SORCS1: variants seen among roughly 807,000 people sequenced by gnomAD.
SORCS1 encodes the protein VPS10 domain-containing receptor SorCS1.
In SORCS1, 60 loss-of-function variants were observed where a neutral mutation model predicts 146.1. That is an observed-to-expected ratio of 0.41 (90% CI 0.33 to 0.51). SORCS1 has a LOEUF of 0.51. SORCS1 is among the 20% of genes least tolerant of loss of function. SORCS1 has a pLI of 0.21. For missense variants in SORCS1, 1,352 were observed against 1,487.6 expected (o/e 0.91, Z 1.50); for synonymous variants, 637 against 584.0 (o/e 1.09, Z -1.31).
At chr10:106,757,254 G>T (rs936021309) in intron 5 of SORCS1, among the ~76,000 whole-genome samples, 3 of 152,120 alleles carry the variant, frequency 2.0e-5, no homozygotes, top group East Asian at 1.9e-4. Context: ...ATATGAATTT[G>T]CCTTCATTTC....
At chr10:106,930,702 A>G (rs1392518588) in intron 2 of SORCS1, among the ~76,000 whole-genome samples, 2 of 152,060 alleles carry the variant, frequency 1.3e-5, no homozygotes, top group Admixed American at 6.6e-5. Context: ...GAATTTGGAA[A>G]GATATGATGG....
At chr10:106,741,260 A>G (rs1003295895) in intron 5 of SORCS1, among the ~76,000 whole-genome samples, 2 of 148,148 alleles carry the variant, frequency 1.3e-5, no homozygotes, top group African/African-American at 2.6e-5. Context: ...TGTCTGAGGC[A>G]AGACAGTGTT....
At chr10:106,824,684 T>G (rs1948211206) in intron 3 of SORCS1, among the ~76,000 whole-genome samples, 1 of 151,274 alleles carries the variant, frequency 6.6e-6, no homozygotes, top group Non-Finnish European at 1.5e-5. Context: ...AGACAAGAAG[T>G]CAATAATCAA....
At position 106,593,268 on chromosome 10, in the gene SORCS1, T is replaced by C. The variant is rs35822928; in HGVS notation, c.3265+4083A>G. Among the ~76,000 whole-genome samples the C allele has an allele frequency of 5.3e-3, 811 of 152,014 alleles. 5 individuals carry two copies. Among genetic ancestry groups the C allele is most frequent in the Non-Finnish European group, 5.7e-3 (387 of 67,996 alleles). On this transcript the variant is annotated intron_variant, in intron 24 of 25. Transcript: ENST00000263054. Reference sequence around the variant, plus strand: ...GTATATGTAGGGTCTACCACCCTATTCAAATATTTTTTTTCTTTTTTTCTT... The same window carrying C: ...GTATATGTAGGGTCTACCACCCTATCCAAATATTTTTTTTCTTTTTTTCTT...
intron 5 of SORCS1, among the ~76,000 whole-genome samples, chr10:106,757,187 T>G (rs1019609899): frequency 6.6e-6 from 1 of 152,196 alleles, no homozygotes; most frequent in East Asian, 1.9e-4. Flanking sequence ...AGGGGTGGCA[T>G]GACCATTGCT....
chr10:106,670,857 C>T (rs1851541210), intron 16 of SORCS1, among the ~76,000 whole-genome samples: 1 of 152,000 alleles, frequency 6.6e-6, no homozygotes, highest in African/African-American at 2.4e-5. Flanking sequence ...CTATGCCCAG[C>T]TAATTTTTCT....
rs74578657 is a variant in SORCS1, at chr10:106,983,807, G to A, written c.559-27227C>T. 3.2e-3 allele frequency among the ~76,000 whole-genome samples: 481 copies of A among 152,290 alleles called. 9 individuals carry two copies. Among genetic ancestry groups the A allele is most frequent in the African/African-American group, 0.01 (417 of 41,564 alleles). ...AACTTAACACGGAAGAGCAGCACCA[G>A]CAAAACTGGAGCCTAAATCACCTAA... On this transcript the variant is annotated intron_variant, in intron 1 of 25. Coordinates refer to ENST00000263054, the MANE Select transcript of SORCS1 (RefSeq NM_052918.5).
At position 106,629,405 on chromosome 10, in the gene SORCS1, C is replaced by T. The variant is rs147410317; in HGVS notation, c.2476-17G>A. The T allele has an allele frequency of 3.7e-6, 6 of 1,612,538 alleles. No homozygotes were observed. Among genetic ancestry groups the T allele is most frequent in the Non-Finnish European group, 5.1e-6 (6 of 1,178,916 alleles). On this transcript the variant is annotated splice_polypyrimidine_tract_variant and intron_variant, in intron 18 of 25. Transcript: ENST00000263054. ...AACATCACCCTGAAAAACAACCCAA[C>T]ATCAGAGGAAATGAGTTAGTATTCG...
At chr10:106,975,553 G>T (rs921237245) in intron 1 of SORCS1, among the ~76,000 whole-genome samples, 4 of 152,152 alleles carry the variant, frequency 2.6e-5, no homozygotes, top group African/African-American at 9.7e-5. Context: ...GACCCTGAGG[G>T]AGAAAAAGAA....
intron 3 of SORCS1, among the ~76,000 whole-genome samples, chr10:106,823,051 G>A (rs578231764): frequency 6.6e-6 from 1 of 152,160 alleles, no homozygotes; most frequent in Admixed American, 6.5e-5. Context: ...TCAAAGTGGT[G>A]GGATTACAGG....
At position 106,800,666 on chromosome 10, in the gene SORCS1, C is replaced by T. The variant is rs528889124; in HGVS notation, c.727-23974G>A. Among the ~76,000 whole-genome samples, 22 of 151,934 alleles carry T rather than the reference C, an allele frequency of 1.4e-4. 1 individual carries two copies. The South Asian group carries it at 2.3e-3, about 16-fold the overall frequency. On this transcript the variant is annotated intron_variant, in intron 3 of 25. Transcript: ENST00000263054. ...CCTCCCCAGCAGCTGGGACTACAGG[C>T]GCACACCGCCACACCCAGCTAATTT...
At chr10:107,002,124 A>G (rs1957247531) in intron 1 of SORCS1, among the ~76,000 whole-genome samples, 1 of 152,222 alleles carries the variant, frequency 6.6e-6, no homozygotes, top group Non-Finnish European at 1.5e-5. Flanking sequence ...GAGCAAATTA[A>G]AAATCATCCT....
intron 1 of SORCS1, among the ~76,000 whole-genome samples, chr10:106,998,026 C>T (rs1283134409): frequency 6.6e-6 from 1 of 152,220 alleles, no homozygotes; most frequent in African/African-American, 2.4e-5. Context: ...GAAGACCTCA[C>T]TTAAATGCAA....
chr10:107,164,306 A>T lies in SORCS1; in HGVS notation c.221T>A (p.Val74Glu). The part of the protein sequence containing the change: ...RAPATPLPLV[V>E]RPLFSVAPGD... ...GGGGGCCACTGAGAACAGGGGACGC[A>T]CTACGAGGGGCAGGGGCGTGGCAGG... The change falls in exon 1 of 26, where the codon GTG becomes GAG. Residue 74 changes from valine to glutamate, a missense_variant. By Grantham distance (121) the Val-to-Glu change is moderately radical. This residue lies in a region of SORCS1 where 490 missense variants were observed against 489.1 expected (regional missense o/e 1.00). Coordinates refer to ENST00000263054, the MANE Select transcript of SORCS1 (RefSeq NM_052918.5). The surrounding 1 kb of genome is among the most constrained non-coding windows in gnomAD (Gnocchi z 6.8). 1.3e-6 allele frequency: 2 copies of T among 1,580,934 alleles called. No individual in the cohort carries two copies. Among genetic ancestry groups the T allele is most frequent in the Non-Finnish European group, 1.7e-6 (2 of 1,167,758 alleles).
At chr10:107,156,913 G>A (rs1969327792) in intron 1 of SORCS1, among the ~76,000 whole-genome samples, 1 of 152,178 alleles carries the variant, frequency 6.6e-6, no homozygotes, top group Admixed American at 6.5e-5. Flanking sequence ...ACATATGGCA[G>A]ACAGGTTATT....
intron 1 of SORCS1, among the ~76,000 whole-genome samples, chr10:107,033,628 T>C (rs945189592): frequency 1.1e-4 from 16 of 152,204 alleles, no homozygotes; most frequent in Admixed American, 2.0e-4. Flanking sequence ...AATTACCACA[T>C]AACAGTTCAA....
At chr10:107,029,551 G>A (rs996712184) in intron 1 of SORCS1, among the ~76,000 whole-genome samples, 1 of 152,124 alleles carries the variant, frequency 6.6e-6, no homozygotes, top group South Asian at 2.1e-4. Context: ...AGAGTGAAAG[G>A]AGAGCCACTT....
the SORCS1 span, among the ~76,000 whole-genome samples, chr10:107,175,128 T>C: frequency 6.6e-6 from 1 of 152,188 alleles, no homozygotes; most frequent in Non-Finnish European, 1.5e-5. Flanking sequence ...AACATTTTAT[T>C]TTATTATAGT....
At chr10:106,746,146 C>CA (rs1857726139) in intron 5 of SORCS1, among the ~76,000 whole-genome samples, 1 of 150,658 alleles carries the variant, frequency 6.6e-6, no homozygotes, top group Admixed American at 6.6e-5. Context: ...TACCCTGGGT[C>CA]AGGAAAAAAA....
Sources: gnomAD v4.1 joint callset for allele counts (sites outside exome capture counted in the v4.1 genomes callset) on GRCh38, gnomAD v4.1.1 for gene constraint, gnomAD v4.1.1 regional missense constraint, Gnocchi (gnomAD v3.1) non-coding constraint, MANE v1.5 for transcripts, NCBI Gene and HGNC (gene_info 2026-07-23, HGNC 2026-07-21) for gene names.